HIPK1: variants seen among roughly 807,000 people sequenced by gnomAD.
HIPK1 encodes the protein homeodomain-interacting protein kinase 1.
Under a neutral mutation model 117.1 loss-of-function variants are expected in HIPK1, and 28 were observed. The ratio of observed to expected loss-of-function variants is 0.24; its 90% CI spans 0.18 to 0.33. The LOEUF (loss-of-function observed/expected upper bound fraction) is 0.33. HIPK1 is among the 10% of genes least tolerant of loss of function. The probability of loss-of-function intolerance (pLI) is 1.00; values close to 1 mark genes in which losing one functional copy is unlikely to be tolerated. For missense variants in HIPK1, 1,122 were observed against 1,475.1 expected, an observed-to-expected ratio of 0.76 and a Z score of 3.92; for synonymous variants, 605 against 562.5, an observed-to-expected ratio of 1.08 and a Z score of -1.07.
At chr1:113,967,588 A>C (rs1672537577) in intron 11 of HIPK1, among the ~76,000 whole-genome samples, 178 bp from the exon 12 acceptor site, 1 of 152,018 alleles carries the variant, frequency 6.6e-6, no homozygotes, top group Non-Finnish European at 1.5e-5. Context: ...ATTTTTTTCC[A>C]TAGAGTTGTT....
At chr1:113,938,556 T>C (rs939157111) in intron 1 of HIPK1, among the ~76,000 whole-genome samples, 1 of 152,104 alleles carries the variant, frequency 6.6e-6, no homozygotes, top group African/African-American at 2.4e-5. Flanking sequence ...GTTTGGAAGC[T>C]ACTGGCAGTT....
rs973609532 is a variant in HIPK1 at position 113,970,075 on chromosome 1, A to G, written c.2891A>G (p.Asn964Ser). The change falls in exon 14 of 16, where the codon AAT becomes AGT. Residue 964 changes from asparagine (N) to serine (S), a missense_variant. This residue lies in a region of HIPK1 where 731 missense variants were observed against 860.4 expected (regional missense o/e 0.85). Coordinates refer to ENST00000426820, the MANE Select transcript of HIPK1 (RefSeq NM_198268.3). ...STDTLSALRGNSGSVLEGPGR... is the reference protein window; with the variant it reads ...STDTLSALRGSSGSVLEGPGR... ...GATACCCTGAGTGCTCTCCGAGGCA[A>G]TAGTGGATCCGTTTTGGAGGGGCCT... 2.5e-6 allele frequency: 4 copies of G among 1,614,044 alleles called. No individual in the cohort carries two copies. Among genetic ancestry groups the G allele is most frequent in the Admixed American group, 1.7e-5 (1 of 60,014 alleles).
intron 1 of HIPK1, chr1:113,929,915 C>T: frequency 1.0e-6 from 1 of 985,974 alleles, no homozygotes; most frequent in Non-Finnish European, 1.2e-6. Context: ...CCCCAGCTCG[C>T]GGCTGAGAAC....
Position 113,973,733 on chromosome 1 carries a change from C to G in HIPK1, c.*221C>G. Reference sequence around the variant, plus strand: ...CCAAAGTTTGCCCTATTTTTAAATTCATTATTTTTGTGACAGTAATTTTGG... The same window carrying G: ...CCAAAGTTTGCCCTATTTTTAAATTGATTATTTTTGTGACAGTAATTTTGG... On this transcript the variant is annotated 3_prime_UTR_variant, in exon 16 of 16. Coordinates refer to ENST00000426820, the MANE Select transcript of HIPK1 (RefSeq NM_198268.3). 2.4e-6 allele frequency: 1 copy of G among 424,910 alleles called. No individual in the cohort carries two copies. The highest frequency in any genetic ancestry group is 4.0e-6 in the Non-Finnish European group (1 of 247,430). 26.3% of individuals were successfully genotyped at this position (424,910 alleles called of 1,614,324 possible). A position where few individuals can be genotyped will look rare whatever the true frequency, so the allele number is the denominator to read the frequency against.
chr1:113,942,968 G>A (rs1670750564), intron 2 of HIPK1, among the ~76,000 whole-genome samples: 2 of 152,004 alleles, frequency 1.3e-5, no homozygotes, highest in South Asian at 4.1e-4. Flanking sequence ...TAAAATTTGA[G>A]GAAATAGAAA....
At chr1:113,933,401 G>C (rs1670030194) in intron 1 of HIPK1, among the ~76,000 whole-genome samples, 1 of 152,200 alleles carries the variant, frequency 6.6e-6, no homozygotes. Flanking sequence ...GATGAAACAA[G>C]GCTGTGCAAG....
In HIPK1 at chr1:113,971,920, G is replaced by T; in HGVS notation, c.3110G>T (p.Gly1037Val). 1 of 1,608,438 alleles carries T rather than the reference G, an allele frequency of 6.2e-7. No individual in the cohort carries two copies. Among genetic ancestry groups the T allele is most frequent in the Non-Finnish European group, 8.5e-7 (1 of 1,177,630 alleles). ...TPTGYRAQRG[G>V]TSAAQPLNLS... is the part of the protein sequence containing the mutation. ...ACAGGGTATCGAGCTCAACGCGGGG[G>T]GACCAGTGCAGCACAACCACTCAAT... The change falls in exon 15 of 16, where the codon GGG (glycine) becomes GTG (valine). Residue 1037 changes from glycine (G) to valine (V), a missense_variant. Around this residue, in one of 6 missense-constraint regions of HIPK1, gnomAD observed 731 missense variants for 860.4 expected, o/e 0.85. Coordinates refer to ENST00000426820, the MANE Select transcript of HIPK1 (RefSeq NM_198268.3).
At chr1:113,955,291 A>T (rs1671639359) in intron 4 of HIPK1, among the ~76,000 whole-genome samples, 1 of 152,254 alleles carries the variant, frequency 6.6e-6, no homozygotes. Flanking sequence ...AAGTAGCTTT[A>T]AGAGAACAAT....
rs1025444317 is a variant in HIPK1, at chr1:113,975,635, G to T, written c.*2123G>T. On this transcript the variant is annotated 3_prime_UTR_variant, in exon 16 of 16. Transcript: ENST00000426820. Reference sequence around the variant, plus strand: ...ATGTGTTTATACCAAAGAGCCTGTTGTATTGCTTACCATGTCCCCATACTA... The same window carrying T: ...ATGTGTTTATACCAAAGAGCCTGTTTTATTGCTTACCATGTCCCCATACTA... The T allele has an allele frequency of 1.3e-5, 2 of 152,728 alleles. No individual in the cohort carries two copies. The highest frequency in any genetic ancestry group is 4.8e-5 in the African/African-American group (2 of 41,422). The allele number at this position is 152,728 out of a possible 1,614,324, so 9.5% of individuals were successfully genotyped here. A position where few individuals can be genotyped will look rare whatever the true frequency, so the allele number is the denominator to read the frequency against.
In HIPK1 at chr1:113,966,263, C is replaced by G. The variant is rs1452331125; in HGVS notation, c.2372C>G (p.Ala791Gly). Residue 791 changes from alanine (A) to glycine (G), a missense_variant, in exon 11 of 16, where the codon GCT (alanine) becomes GGT (glycine). Coordinates refer to ENST00000426820, the MANE Select transcript of HIPK1 (RefSeq NM_198268.3). ...GCCATGGGGAGTGGACAGCAGCTAG[C>G]TGACTGGAGGCAAGTGTCCTGTGTT... ...PEAMGSGQQLADWRNAHSHGN... is the reference protein window; with the variant it reads ...PEAMGSGQQLGDWRNAHSHGN... 1.9e-6 allele frequency: 3 copies of G among 1,612,912 alleles called. No individual in the cohort carries two copies. In the South Asian group the frequency reaches 3.3e-5, roughly 18 times the overall value.
rs758881223 is a variant in HIPK1 at position 113,968,511 on chromosome 1, T to A, written c.2634T>A (p.Ser878=). The A allele has an allele frequency of 6.2e-7, 1 of 1,613,938 alleles. No individual in the cohort carries two copies. Among genetic ancestry groups the A allele is most frequent in the African/African-American group, 1.3e-5 (1 of 74,926 alleles). The part of the protein sequence containing the change: ...LVGSSPLRTT[S]SYNSLVPVQD... ...GGAGCAGTCCCCTCCGCACCACATC[T>A]TCTTATAATTCCTTGGTCCCTGTCC... The change falls in exon 13 of 16, where the codon TCT becomes TCA. Residue 878 remains serine (S), a synonymous_variant. Transcript: ENST00000426820.
rs1253462975 is a variant in HIPK1, at chr1:113,968,660, G to T, written c.2771+12G>T. 1.9e-6 allele frequency: 3 copies of T among 1,603,666 alleles called. No individual in the cohort carries two copies. In the African/African-American group the frequency reaches 4.0e-5, roughly 21 times the overall value. On this transcript the variant is annotated intron_variant, in intron 13 of 15. Coordinates refer to ENST00000426820, the MANE Select transcript of HIPK1 (RefSeq NM_198268.3). The stretch of plus-strand genomic sequence containing the variant: ...TACAAGCCCAGTAGGTAAGATAAGT[G>T]AATGGTTCCTGGCTCTATTGGTTTT...
chr1:113,956,600 A>T, intron 5 of HIPK1, 27 bp from the exon 6 acceptor site: 1 of 1,573,172 alleles, frequency 6.4e-7, no homozygotes, highest in Non-Finnish European at 8.7e-7. Flanking sequence ...TAAGTGAAGA[A>T]GTATAATTCT....
chr1:113,962,081 A>G (rs1208555916), intron 8 of HIPK1, among the ~76,000 whole-genome samples: 2 of 152,076 alleles, frequency 1.3e-5, no homozygotes, highest in South Asian at 2.1e-4. Flanking sequence ...AAAATTTAGA[A>G]TTCTTTTAAA....
At chr1:113,951,858 C>T (rs1671383311) in intron 2 of HIPK1, among the ~76,000 whole-genome samples, 1 of 151,502 alleles carries the variant, frequency 6.6e-6, no homozygotes, top group Non-Finnish European at 1.5e-5. Flanking sequence ...GTGCTGTCAA[C>T]ACCATGTCTC....
intron 1 of HIPK1, among the ~76,000 whole-genome samples, chr1:113,934,288 C>G (rs570002667): frequency 1.8e-4 from 28 of 152,216 alleles, no homozygotes; most frequent in Non-Finnish European, 3.5e-4. Context: ...AAAATGATTA[C>G]CTGGGTTGTC....
intron 1 of HIPK1, 66 bp from the exon 2 acceptor site, chr1:113,940,316 G>T: frequency 7.5e-7 from 1 of 1,341,596 alleles, no homozygotes; most frequent in South Asian, 1.4e-5. Context: ...GTGTGTTTGT[G>T]TGTTTTAAAT....
rs1241218126 is a variant in HIPK1, at chr1:113,976,376, A to C, written c.*2864A>C. 6.6e-6 allele frequency: 1 copy of C among 152,384 alleles called. No homozygotes were observed. Among genetic ancestry groups the C allele is most frequent in the Non-Finnish European group, 1.5e-5 (1 of 68,032 alleles). The allele number at this position is 152,384 out of a possible 1,614,324, so 9.4% of individuals were successfully genotyped here. ...GTTGGAACACAGGTCTAGTTTCTAA[A>C]GGACAAATTTTTTGTTCCTTGTCTT... On this transcript the variant is annotated 3_prime_UTR_variant, in exon 16 of 16. Coordinates refer to ENST00000426820, the MANE Select transcript of HIPK1 (RefSeq NM_198268.3).
At chr1:113,952,411 A>C (rs1671429044) in intron 2 of HIPK1, among the ~76,000 whole-genome samples, 1 of 152,188 alleles carries the variant, frequency 6.6e-6, no homozygotes, top group Non-Finnish European at 1.5e-5. Flanking sequence ...ACCTGACTTG[A>C]ACCATTGTTA....
Sources: gnomAD v4.1 joint callset for allele counts (sites outside exome capture counted in the v4.1 genomes callset) on GRCh38, gnomAD v4.1.1 for gene constraint, gnomAD v4.1.1 regional missense constraint, MANE v1.5 for transcripts, NCBI Gene and HGNC (gene_info 2026-07-23, HGNC 2026-07-21) for gene names.